Variants in SCN1A observed in about 807,000 individuals in gnomAD.
SCN1A encodes the protein sodium voltage-gated channel alpha subunit 1, also known as sodium channel protein type 1 subunit alpha.
In SCN1A, 13 loss-of-function variants were observed where a neutral mutation model predicts 193.7. The observed-to-expected ratio is 0.07, with a 90% CI of 0.04 to 0.11. SCN1A has a LOEUF of 0.11. Ranked by LOEUF, SCN1A falls within the 10% of genes least tolerant of loss-of-function variation. The probability of loss-of-function intolerance (pLI) is 1.00; values close to 1 mark genes in which losing one functional copy is unlikely to be tolerated. For synonymous variants in SCN1A, 781 were observed against 843.6 expected (o/e 0.93, Z 1.29); for missense variants, 1,432 against 2,451.1 (o/e 0.58, Z 8.78).
upstream of SCN1A, among the ~76,000 whole-genome samples, chr2:166,131,411 G>A (rs1691656414): frequency 6.6e-6 from 1 of 150,852 alleles, no homozygotes; most frequent in African/African-American, 2.5e-5. Flanking sequence ...TCTCTGTCCT[G>A]TGAATGTGGT....
At chr2:166,118,719 C>T (rs1208375455) in intron 2 of SCN1A, among the ~76,000 whole-genome samples, 1 of 152,142 alleles carries the variant, frequency 6.6e-6, no homozygotes, top group African/African-American at 2.4e-5. Context: ...TAACTCTTTC[C>T]AGGATTTTCA....
chr2:166,144,913 G>A (rs1334818627), intron 1 of SCN1A, among the ~76,000 whole-genome samples: 17 of 150,662 alleles, frequency 1.1e-4, no homozygotes, highest in African/African-American at 3.9e-4. Flanking sequence ...GTGCAGTGGC[G>A]TGATCTCGGC....
intron 2 of SCN1A, among the ~76,000 whole-genome samples, chr2:166,119,691 C>T (rs1240570417): frequency 2.6e-5 from 4 of 152,084 alleles, no homozygotes; most frequent in African/African-American, 9.7e-5. Flanking sequence ...CAAAGCTTTT[C>T]CATTGTTACA....
chr2:166,101,027 A>G (rs1314028047), intron 2 of SCN1A, among the ~76,000 whole-genome samples: 2 of 91,242 alleles, frequency 2.2e-5, no homozygotes, highest in Admixed American at 1.4e-4. Flanking sequence ...CCAAAGGACT[A>G]TAAATCATGC....
rs779413164 is a variant in SCN1A at position 166,058,631 on chromosome 2, G to C, written c.322C>G (p.Leu108Val). 6.2e-7 allele frequency: 1 copy of C among 1,612,486 alleles called. No individual in the cohort carries two copies. The highest frequency in any genetic ancestry group is 8.5e-7 in the Non-Finnish European group (1 of 1,178,854). The part of the protein sequence containing the change: ...AIFRFSATSA[L>V]YILTPFNPLR... ...GGATTGAAGGGAGTTAAAATGTACA[G>C]GGCAGAGGTGGCACTGAACCGGAAG... Residue 108 changes from leucine to valine, a missense_variant, in exon 5 of 29, where the codon CTG (leucine) becomes GTG (valine). This residue lies in a region of SCN1A where 123 missense variants were observed against 282.8 expected (regional missense o/e 0.43). Coordinates refer to ENST00000674923, the MANE Select transcript of SCN1A (RefSeq NM_001165963.4).
At chr2:166,125,128 T>C (rs887115469) in intron 2 of SCN1A, among the ~76,000 whole-genome samples, 15 of 152,148 alleles carry the variant, frequency 9.9e-5, no homozygotes, top group Admixed American at 2.0e-4. Context: ...GCAATCTCAA[T>C]TGAGCGGTGG....
intron 2 of SCN1A, among the ~76,000 whole-genome samples, chr2:166,122,549 G>C (rs564677548): frequency 6.6e-6 from 1 of 152,226 alleles, no homozygotes; most frequent in South Asian, 2.1e-4. Context: ...TATATCCCTA[G>C]TACCCACTGT....
chr2:166,109,860 T>A (rs35123379), intron 2 of SCN1A, among the ~76,000 whole-genome samples: 12,852 of 152,010 alleles, frequency 0.085, 618 homozygotes, highest in Middle Eastern at 0.24. Context: ...ATAACCCTAC[T>A]ATGTGGGTGG....
chr2:166,052,053 A>G (rs1698634878), intron 8 of SCN1A, 65 bp from the exon 9 acceptor site: 1 of 1,448,822 alleles, frequency 6.9e-7, no homozygotes. Flanking sequence ...GCTTCACACA[A>G]TTTTCTTGAA....
rs35457376 is a variant in SCN1A at position 166,141,731 on chromosome 2, C to CT, written c.-50+7315dup. On this transcript the variant is annotated intron_variant, in intron 1 of 26. Transcript: ENST00000635750. ...GTTATTTTCTTTCTTTCTTCCTTTT[C>CT]TTTTTTTTTTTTCTATTTCAAACAA... 6.6e-3 allele frequency among the ~76,000 whole-genome samples: 905 copies of CT among 137,032 alleles called. 5 individuals carry two copies. Among genetic ancestry groups the CT allele is most frequent in the African/African-American group, 0.017 (640 of 38,020 alleles). The allele number at this position is 137,032 out of a possible 152,430, so 89.9% of individuals were successfully genotyped here. A position where few individuals can be genotyped will look rare whatever the true frequency, so the allele number is the denominator to read the frequency against.
chr2:166,096,336 G>A (rs1687376371), intron 2 of SCN1A, among the ~76,000 whole-genome samples: 1 of 152,098 alleles, frequency 6.6e-6, no homozygotes, highest in African/African-American at 2.4e-5. Context: ...AGGCTGGAGT[G>A]CAGTGGTGTG....
chr2:166,028,890 T>C (rs767843848), intron 19 of SCN1A, among the ~76,000 whole-genome samples: 2 of 152,020 alleles, frequency 1.3e-5, no homozygotes, highest in Non-Finnish European at 2.9e-5. Flanking sequence ...AGGAGTAGTA[T>C]AGAGTATATT....
intron 1 of SCN1A, among the ~76,000 whole-genome samples, chr2:166,145,773 G>A (rs1245111583): frequency 6.6e-6 from 1 of 152,132 alleles, no homozygotes; most frequent in African/African-American, 2.4e-5. Flanking sequence ...ATAACTTTAT[G>A]ATTATACCAT....
chr2:166,018,329 A>G (rs1278103974), intron 19 of SCN1A, among the ~76,000 whole-genome samples: 3 of 151,986 alleles, frequency 2.0e-5, no homozygotes, highest in African/African-American at 4.8e-5. Context: ...TTCTAAGACA[A>G]AGACTTATCT....
chr2:166,088,558 A>T (rs1244811135), intron 2 of SCN1A, among the ~76,000 whole-genome samples: 2 of 152,190 alleles, frequency 1.3e-5, no homozygotes, highest in African/African-American at 4.8e-5. Context: ...TTGTTCAATT[A>T]TATGCTTTGT....
At chr2:166,125,399 C>A (rs1211651328) in intron 2 of SCN1A, among the ~76,000 whole-genome samples, 1 of 152,192 alleles carries the variant, frequency 6.6e-6, no homozygotes, top group African/African-American at 2.4e-5. Flanking sequence ...CTTTCAAGGT[C>A]CCCAGGCTAA....
chr2:166,061,582 C>CA (rs1401830499), intron 4 of SCN1A, among the ~76,000 whole-genome samples: 2 of 151,936 alleles, frequency 1.3e-5, no homozygotes, highest in Non-Finnish European at 1.5e-5. Flanking sequence ...GTTCCCAACA[C>CA]AAAAAATGAT....
intron 10 of SCN1A, 116 bp downstream of exon 10, chr2:166,048,770 T>C: frequency 1.4e-6 from 1 of 723,930 alleles, no homozygotes; most frequent in Non-Finnish European, 2.5e-6. Flanking sequence ...TATAGCAAAT[T>C]AATGTCAATA....
rs1379533666 is a variant in SCN1A at position 165,994,150 on chromosome 2, A to G, written c.4848T>C (p.Ile1616=). ...AGAACTTTAAATATTTCTTACCTAC[A>G]ATGGAGAGAATGACAACCACAAAAT... is the stretch of plus-strand genomic sequence containing the variant. ...IFDFVVVILS[I]VGMFLAELIE... is the part of the protein sequence containing the mutation. Residue 1616 remains isoleucine, a synonymous_variant, in exon 28 of 29, where the codon ATT becomes ATC. Coordinates refer to ENST00000674923, the MANE Select transcript of SCN1A (RefSeq NM_001165963.4). The G allele has an allele frequency of 5.6e-6, 9 of 1,606,540 alleles. No individual in the cohort carries two copies. The South Asian group carries it at 7.7e-5, about 14-fold the overall frequency.
Sources: allele counts gnomAD v4.1 joint callset (sites outside exome capture counted in the v4.1 genomes callset), GRCh38; gene constraint gnomAD v4.1.1; regional missense constraint gnomAD v4.1.1; transcripts MANE v1.5; gene names NCBI Gene and HGNC (gene_info 2026-07-23, HGNC 2026-07-21).